ARHGEF28: variants seen among roughly 807,000 people sequenced by gnomAD.
The protein encoded by ARHGEF28 is 190 kDa guanine nucleotide exchange factor.
A neutral mutation model predicts 206.6 loss-of-function variants in ARHGEF28; 152 were observed. The ratio of observed to expected loss-of-function variants is 0.74; its 90% confidence interval spans 0.64 to 0.84. ARHGEF28 has a LOEUF of 0.84. Among genes scored for constraint, ARHGEF28 ranks in the 40% least tolerant of loss-of-function variants. ARHGEF28 has a pLI of 0.00. For missense variants in ARHGEF28, 2,028 were observed against 2,073.2 expected (o/e 0.98, Z 0.42); for synonymous variants, 763 against 776.4 (o/e 0.98, Z 0.29).
chr5:73,911,560 G>A lies in ARHGEF28; in HGVS notation c.4933G>A (p.Asp1645Asn), dbSNP rs749052332. The A allele has an allele frequency of 3.1e-6, 5 of 1,602,618 alleles. No individual in the cohort carries two copies. The highest frequency in any genetic ancestry group is 4.3e-6 in the Non-Finnish European group (5 of 1,173,420). The change falls in exon 35 of 36, where the codon GAT (aspartate) becomes AAT (asparagine). Residue 1645 changes from aspartate (D) to asparagine (N), a missense_variant. Around this residue, in one of 3 missense-constraint regions of ARHGEF28, gnomAD observed 803 missense variants for 768.0 expected, o/e 1.05. Coordinates refer to ENST00000513042, the MANE Select transcript of ARHGEF28 (RefSeq NM_001177693.2). ...ACTTCCTTTCCATGAAAGCAGCAAG[G>A]ATTCTTGTAAAAATGGTAATTAACA... ...QILPFHESSK[D>N]SCKNDLDTSH...
rs896850175 is a variant in ARHGEF28 at position 73,847,131 on chromosome 5, T to G, written c.1635+656T>G. Among the ~76,000 whole-genome samples, 6 of 152,218 alleles carry G rather than the reference T, an allele frequency of 3.9e-5. No homozygotes were observed. In the East Asian group the frequency reaches 5.8e-4, roughly 15 times the overall value. ...AACAGATTTTTTTTCCCTGTTTGAT[T>G]TGTTATTTTCTACTTGTTTTCTTCT... On this transcript the variant is annotated intron_variant, in intron 12 of 35. Transcript: ENST00000513042.
At chr5:73,926,469 C>A (rs907115696) in intron 35 of ARHGEF28, among the ~76,000 whole-genome samples, 1 of 152,176 alleles carries the variant, frequency 6.6e-6, no homozygotes. Context: ...ATTCAAGACC[C>A]TCCCAAACCT....
chr5:73,931,015 C>G (rs1373938857), intron 35 of ARHGEF28, among the ~76,000 whole-genome samples: 1 of 152,104 alleles, frequency 6.6e-6, no homozygotes, highest in Non-Finnish European at 1.5e-5. Context: ...ATCTCCAGGC[C>G]CTCCCTAAGA....
chr5:73,867,180 A>G (rs556392983), intron 18 of ARHGEF28, among the ~76,000 whole-genome samples: 32 of 152,306 alleles, frequency 2.1e-4, no homozygotes, highest in Non-Finnish European at 3.7e-4. Flanking sequence ...ATGCACGTGT[A>G]AAATGCTTTG....
chr5:73,923,130 G>C (rs1319426920), intron 35 of ARHGEF28: 11 of 1,535,698 alleles, frequency 7.2e-6, no homozygotes, highest in Non-Finnish European at 9.6e-6. Flanking sequence ...CATCTCCCCC[G>C]GGACTGTGGA....
intron 22 of ARHGEF28, among the ~76,000 whole-genome samples, chr5:73,879,423 C>G (rs1760760333): frequency 6.6e-6 from 1 of 152,190 alleles, no homozygotes; most frequent in African/African-American, 2.4e-5. Flanking sequence ...CTTCTCTCAA[C>G]TCGTCAAAGT....
intron 1 of ARHGEF28, among the ~76,000 whole-genome samples, chr5:73,670,916 C>T (rs1043227303): frequency 1.3e-5 from 2 of 152,110 alleles, no homozygotes; most frequent in Non-Finnish European, 2.9e-5. Flanking sequence ...TGGAGCATGT[C>T]TTTTCATCCT....
At chr5:73,821,165 G>C (rs1756562747) in intron 9 of ARHGEF28, among the ~76,000 whole-genome samples, 1 of 152,014 alleles carries the variant, frequency 6.6e-6, no homozygotes, top group African/African-American at 2.4e-5. Flanking sequence ...TAATGAAACA[G>C]GATTCAGGAA....
chr5:73,852,789 A>C (rs1157809435), intron 14 of ARHGEF28, 97 bp downstream of exon 14: 1 of 1,319,870 alleles, frequency 7.6e-7, no homozygotes, highest in Non-Finnish European at 1.1e-6. Context: ...AGTTCATGAG[A>C]GGTTTCCATG....
chr5:73,920,040 T>C (rs1763434776), intron 35 of ARHGEF28, among the ~76,000 whole-genome samples: 1 of 152,170 alleles, frequency 6.6e-6, no homozygotes, highest in African/African-American at 2.4e-5. Context: ...GGAGTCCAGG[T>C]CCACACTCAT....
chr5:73,758,197 CA>C (rs1752416498), intron 4 of ARHGEF28, among the ~76,000 whole-genome samples: 1 of 152,114 alleles, frequency 6.6e-6, no homozygotes, highest in African/African-American at 2.4e-5. Flanking sequence ...CCTGTGAACA[CA>C]GTAGCTTCTC....
At chr5:73,820,540 T>G (rs1259803555) in intron 9 of ARHGEF28, among the ~76,000 whole-genome samples, 1 of 152,036 alleles carries the variant, frequency 6.6e-6, no homozygotes, top group Non-Finnish European at 1.5e-5. Context: ...GTGATAAAGG[T>G]CAGCAGCTGG....
At position 73,832,365 on chromosome 5, in the gene ARHGEF28, C is replaced by G. The variant is rs2112560359; in HGVS notation, c.1052C>G (p.Ser351Cys). 6.2e-7 allele frequency: 1 copy of G among 1,612,670 alleles called. No homozygotes were observed. The highest frequency in any genetic ancestry group is 8.5e-7 in the Non-Finnish European group (1 of 1,179,308). ...LDRSFDILKK[S>C]KPPSTLLAAG... is the part of the protein sequence containing the mutation. ...CGCTCCTTCGATATCCTAAAAAAAT[C>G]CAAGCCGCCCTCGACATTGCTTGCT... The change falls in exon 10 of 36, where the codon TCC (serine) becomes TGC (cysteine). Residue 351 changes from serine (S) to cysteine (C), a missense_variant. This residue lies in a region of ARHGEF28 where 1,002 missense variants were observed against 1,015.3 expected (regional missense o/e 0.99). Coordinates refer to ENST00000513042, the MANE Select transcript of ARHGEF28 (RefSeq NM_001177693.2).
intron 35 of ARHGEF28, among the ~76,000 whole-genome samples, chr5:73,919,418 C>T (rs2111964493): frequency 6.6e-6 from 1 of 152,272 alleles, no homozygotes; most frequent in East Asian, 1.9e-4. Flanking sequence ...CAGCGTTTTG[C>T]TTCTTCCTTT....
chr5:73,835,709 A>G (rs913587232), intron 10 of ARHGEF28, among the ~76,000 whole-genome samples: 3 of 152,106 alleles, frequency 2.0e-5, no homozygotes, highest in Admixed American at 1.3e-4. Context: ...TAGCAAATTG[A>G]TTGAACCTGA....
chr5:73,877,528 A>G (rs199539885), intron 22 of ARHGEF28, among the ~76,000 whole-genome samples: 58,900 of 113,004 alleles, frequency 0.52, 15,652 homozygotes, highest in African/African-American at 0.63. Flanking sequence ...TGTCAATTTT[A>G]GATCTTTCCT....
At chr5:73,717,273 C>T (rs1749640278) in intron 2 of ARHGEF28, among the ~76,000 whole-genome samples, 2 of 152,044 alleles carry the variant, frequency 1.3e-5, no homozygotes, top group African/African-American at 4.8e-5. Flanking sequence ...AAGCCTGAGG[C>T]CTATTTGCCC....
At chr5:73,666,009 G>A (rs572609436) in intron 1 of ARHGEF28, among the ~76,000 whole-genome samples, 56 of 152,128 alleles carry the variant, frequency 3.7e-4, no homozygotes, top group Admixed American at 7.2e-4. Flanking sequence ...AAGATTCAAG[G>A]CATGATTCAC....
At chr5:73,715,014 C>T (rs1749492850) in intron 2 of ARHGEF28, among the ~76,000 whole-genome samples, 1 of 152,174 alleles carries the variant, frequency 6.6e-6, no homozygotes, top group Admixed American at 6.5e-5. Context: ...AATATATTAT[C>T]ACTCCTTAAT....
Sources: allele counts gnomAD v4.1 joint callset (sites outside exome capture counted in the v4.1 genomes callset), GRCh38; gene constraint gnomAD v4.1.1; regional missense constraint gnomAD v4.1.1; transcripts MANE v1.5; gene names NCBI Gene and HGNC (gene_info 2026-07-23, HGNC 2026-07-21).